Variants in GOT2 observed in about 807,000 individuals in gnomAD.
GOT2 encodes the protein glutamic-oxaloacetic transaminase 2.
GOT2 carries 17 observed loss-of-function variants against 50.0 expected under a neutral mutation model. The ratio of observed to expected loss-of-function variants is 0.34; its 90% CI spans 0.23 to 0.51. The LOEUF (loss-of-function observed/expected upper bound fraction) is 0.51, where lower values mean the gene tolerates loss of function less well. GOT2 is among the 20% of genes least tolerant of loss of function. The pLI is 0.97. For synonymous variants in GOT2, 172 were observed against 204.9 expected, an observed-to-expected ratio of 0.84 and a Z score of 1.37; for missense variants, 430 against 559.6, an observed-to-expected ratio of 0.77 and a Z score of 2.34.
chr16:58,714,155 C>A (rs952562326), intron 8 of GOT2, among the ~76,000 whole-genome samples: 14 of 152,046 alleles, frequency 9.2e-5, no homozygotes, highest in Admixed American at 5.2e-4. Context: ...ATCCACCTGC[C>A]TTGGCCTCCC....
chr16:58,734,133 G>T lies in GOT2; in HGVS notation c.89+7C>A, dbSNP rs2044858074. On this transcript the variant is annotated splice_region_variant and intron_variant, in intron 1 of 9. Coordinates refer to ENST00000245206, the MANE Select transcript of GOT2 (RefSeq NM_002080.4). ...CCCTGGCTCCATCTCCGTTTCCCTT[G>T]GCTTACCTGGCTCTGGCAGAGGCCG... 3 of 1,319,268 alleles carry T rather than the reference G, an allele frequency of 2.3e-6. No individual in the cohort carries two copies. Among genetic ancestry groups the T allele is most frequent in the Non-Finnish European group, 1.9e-6 (2 of 1,029,448 alleles). The allele number at this position is 1,319,268 out of a possible 1,614,324, so 81.7% of individuals were successfully genotyped here.
At position 58,733,192 on chromosome 16, in the gene GOT2, G is replaced by A. The variant is rs115585644; in HGVS notation, c.89+948C>T. 9.9e-3 allele frequency among the ~76,000 whole-genome samples: 1,512 copies of A among 152,222 alleles called. 20 individuals carry two copies. Among genetic ancestry groups the A allele is most frequent in the African/African-American group, 0.034 (1,415 of 41,526 alleles). Reference sequence around the variant, plus strand: ...TGAGTTGAATTAATCTTCTGGCTCCGGTCTCCACTGGGAATGAATTACTAG... The same window carrying A: ...TGAGTTGAATTAATCTTCTGGCTCCAGTCTCCACTGGGAATGAATTACTAG... On this transcript the variant is annotated intron_variant, in intron 1 of 9. Coordinates refer to ENST00000245206, the MANE Select transcript of GOT2 (RefSeq NM_002080.4).
chr16:58,729,498 G>GAAAA (rs35946557), intron 1 of GOT2, among the ~76,000 whole-genome samples: 1 of 94,400 alleles, frequency 1.1e-5, no homozygotes, highest in Non-Finnish European at 2.4e-5. Context: ...GTCTCAGGAA[G>GAAAA]AAAAAAAAAA....
At chr16:58,729,290 G>A (rs369887780) in intron 1 of GOT2, among the ~76,000 whole-genome samples, 2 of 148,634 alleles carry the variant, frequency 1.3e-5, no homozygotes, top group East Asian at 2.0e-4. Flanking sequence ...ATTAACTGCC[G>A]AGTGAAAGGA....
intron 1 of GOT2, among the ~76,000 whole-genome samples, chr16:58,731,461 T>C (rs1215922845): frequency 6.6e-6 from 1 of 152,220 alleles, no homozygotes; most frequent in South Asian, 2.1e-4. Flanking sequence ...TTTTAACCAA[T>C]GGTTATGGTA....
chr16:58,725,552 T>C (rs996999864), intron 1 of GOT2, among the ~76,000 whole-genome samples: 3 of 152,248 alleles, frequency 2.0e-5, no homozygotes, highest in African/African-American at 7.2e-5. Flanking sequence ...TTACCAAGCA[T>C]AATTTAAAAT....
intron 5 of GOT2, 87 bp from the exon 6 acceptor site, chr16:58,718,387 A>G: frequency 7.3e-7 from 1 of 1,365,618 alleles, no homozygotes; most frequent in Non-Finnish European, 1.0e-6. Context: ...ATCATTTGAT[A>G]AGTAACAAAG....
At chr16:58,721,299 GT>G (rs566342398) in intron 3 of GOT2, among the ~76,000 whole-genome samples, 1 of 152,152 alleles carries the variant, frequency 6.6e-6, no homozygotes, top group Non-Finnish European at 1.5e-5. Flanking sequence ...TAAAAAACAT[GT>G]TTTTTTCAAA....
At chr16:58,716,573 CACA>C in intron 7 of GOT2, 87 bp downstream of exon 7, 1 of 1,068,440 alleles carries the variant, frequency 9.4e-7, no homozygotes, top group Non-Finnish European at 1.4e-6. Flanking sequence ...CACACACACA[CACA>C]CACACACACA....
intron 3 of GOT2, 38 bp from the exon 4 acceptor site, chr16:58,719,293 C>G (rs1402036035): frequency 4.1e-6 from 6 of 1,476,874 alleles, no homozygotes; most frequent in Non-Finnish European, 5.7e-6. Flanking sequence ...ATGTGCAACA[C>G]TCTCTATACA....
intron 1 of GOT2, among the ~76,000 whole-genome samples, chr16:58,731,867 C>A (rs1388257179): frequency 6.6e-6 from 1 of 152,200 alleles, no homozygotes; most frequent in Non-Finnish European, 1.5e-5. Flanking sequence ...TCCACTTTTA[C>A]CATTTGGAGC....
intron 8 of GOT2, among the ~76,000 whole-genome samples, chr16:58,712,412 G>C (rs2044656035): frequency 6.6e-6 from 1 of 152,176 alleles, no homozygotes; most frequent in Non-Finnish European, 1.5e-5. Flanking sequence ...AGGGGAGCCT[G>C]AGGCAGGAGA....
At chr16:58,720,769 G>C (rs982639672) in intron 3 of GOT2, among the ~76,000 whole-genome samples, 17 of 151,986 alleles carry the variant, frequency 1.1e-4, no homozygotes, top group East Asian at 1.9e-4. Flanking sequence ...AGTAGAGACG[G>C]GGGGGCGGGT....
At chr16:58,719,064 T>C in intron 4 of GOT2, 132 bp downstream of exon 4, 1 of 697,404 alleles carries the variant, frequency 1.4e-6, no homozygotes, top group South Asian at 1.7e-5. Context: ...CATTTTTTCA[T>C]GAGAATAGGA....
intron 8 of GOT2, among the ~76,000 whole-genome samples, chr16:58,715,560 T>C (rs1393808117): frequency 2.0e-5 from 3 of 152,060 alleles, no homozygotes; most frequent in African/African-American, 4.8e-5. Context: ...TCTATCTATA[T>C]ATATAGATTG....
chr16:58,716,498 T>C, intron 7 of GOT2, 165 bp downstream of exon 7: 1 of 658,424 alleles, frequency 1.5e-6, no homozygotes, highest in Non-Finnish European at 2.5e-6. Context: ...GCTAAGAAAA[T>C]CAGTAAAATC....
In GOT2 at chr16:58,734,017, G is replaced by C. The variant is rs950233031; in HGVS notation, c.89+123C>G. The C allele has an allele frequency of 6.4e-5, 29 of 450,964 alleles. No individual in the cohort carries two copies. The South Asian group carries it at 2.8e-3, about 43-fold the overall frequency. The allele number at this position is 450,964 out of a possible 1,614,324, so 27.9% of individuals were successfully genotyped here. ...AGCCGAGGGGGTGGCAGAAAAGTGT[G>C]TGTGTGTGCGTGTGAGTGACAGTGT... On this transcript the variant is annotated intron_variant, in intron 1 of 9. Coordinates refer to ENST00000245206, the MANE Select transcript of GOT2 (RefSeq NM_002080.4).
chr16:58,717,531 A>G (rs2044703680), intron 6 of GOT2, among the ~76,000 whole-genome samples: 1 of 152,214 alleles, frequency 6.6e-6, no homozygotes, highest in Non-Finnish European at 1.5e-5. Context: ...GAGAGTGATC[A>G]TGGCAATGCT....
At chr16:58,727,357 A>G (rs2044795661) in intron 1 of GOT2, among the ~76,000 whole-genome samples, 1 of 143,700 alleles carries the variant, frequency 7.0e-6, no homozygotes, top group African/African-American at 2.5e-5. Flanking sequence ...CTTCACCTAC[A>G]ATATAAAAGG....
Sources: gnomAD v4.1 joint callset for allele counts (sites outside exome capture counted in the v4.1 genomes callset) on GRCh38, gnomAD v4.1.1 for gene constraint, MANE v1.5 for transcripts, NCBI Gene and HGNC (gene_info 2026-07-23, HGNC 2026-07-21) for gene names.